The following DNM3 variants were observed in gnomAD, a reference collection of about 807,000 sequenced individuals.
DNM3 encodes the protein dynamin-3.
DNM3 carries 47 observed loss-of-function variants against 101.6 expected under a neutral mutation model. The ratio of observed to expected loss-of-function variants is 0.46; its 90% confidence interval spans 0.37 to 0.59. The LOEUF (loss-of-function observed/expected upper bound fraction) is 0.59. DNM3 is among the 20% of genes least tolerant of loss of function. DNM3 has a pLI of 0.00. For synonymous variants in DNM3, 385 were observed against 387.9 expected, an observed-to-expected ratio of 0.99 and a Z score of 0.09; for missense variants, 849 against 1,085.7, an observed-to-expected ratio of 0.78 and a Z score of 3.06.
At chr1:172,149,993 A>G (rs993139907) in intron 14 of DNM3, among the ~76,000 whole-genome samples, 2 of 152,186 alleles carry the variant, frequency 1.3e-5, no homozygotes, top group Non-Finnish European at 2.9e-5. Flanking sequence ...AAGTAATGAT[A>G]GGCATACTTG....
chr1:172,145,568 G>A (rs957996033), intron 14 of DNM3, among the ~76,000 whole-genome samples: 8 of 152,124 alleles, frequency 5.3e-5, no homozygotes, highest in African/African-American at 1.7e-4. Context: ...CTCTACATGA[G>A]TAATTAGTTC....
intron 1 of DNM3, among the ~76,000 whole-genome samples, chr1:171,862,211 C>T (rs1201489685): frequency 2.0e-5 from 3 of 152,006 alleles, no homozygotes; most frequent in Non-Finnish European, 4.4e-5. Flanking sequence ...TAATGTTATA[C>T]GAAACAATTC....
intron 2 of DNM3, among the ~76,000 whole-genome samples, chr1:171,961,317 C>T (rs1175857634): frequency 6.6e-6 from 1 of 152,144 alleles, no homozygotes. Flanking sequence ...GTGACAGTGA[C>T]AAGAGCAGCC....
chr1:172,094,815 C>T (rs967344965), intron 13 of DNM3, among the ~76,000 whole-genome samples: 1 of 152,154 alleles, frequency 6.6e-6, no homozygotes, highest in Admixed American at 6.5e-5. Context: ...TGTTCTGATG[C>T]CTGCAATGCC....
intron 15 of DNM3, among the ~76,000 whole-genome samples, 155 bp downstream of exon 15, chr1:172,253,837 C>T (rs976857478): frequency 2.0e-4 from 31 of 152,008 alleles, no homozygotes; most frequent in African/African-American, 6.5e-4. Context: ...TAAATTCCAC[C>T]ATGGGTTATG....
intron 13 of DNM3, among the ~76,000 whole-genome samples, chr1:172,114,274 G>A (rs547077380): frequency 2.0e-5 from 3 of 152,288 alleles, no homozygotes; most frequent in Non-Finnish European, 2.9e-5. Flanking sequence ...TTGCCAGAAG[G>A]TACAGCAAGG....
intron 1 of DNM3, among the ~76,000 whole-genome samples, chr1:171,875,902 C>T (rs567830926): frequency 6.9e-6 from 1 of 145,448 alleles, no homozygotes; most frequent in African/African-American, 2.6e-5. Context: ...CCTCCGCCTC[C>T]TGGGTTCAAG....
At position 172,043,535 on chromosome 1, in the gene DNM3, T is replaced by C. The variant is rs187468630; in HGVS notation, c.1129-850T>C. Among the ~76,000 whole-genome samples, 153 of 152,228 alleles carry C rather than the reference T, an allele frequency of 1.0e-3. 2 individuals carry two copies. Among genetic ancestry groups the C allele is most frequent in the Non-Finnish European group, 2.8e-4 (19 of 68,002 alleles). On this transcript the variant is annotated intron_variant, in intron 8 of 20. Coordinates refer to ENST00000627582, the MANE Select transcript of DNM3 (RefSeq NM_015569.5). ...ACTATGGAAACACAGCCCACAGACA[T>C]GAATCCCAGCTCAAGTGTGTAAGGG...
intron 1 of DNM3, among the ~76,000 whole-genome samples, chr1:171,846,651 C>T (rs147651165): frequency 6.6e-6 from 1 of 152,090 alleles, no homozygotes; most frequent in African/African-American, 2.4e-5. Context: ...CCTCTGCTAC[C>T]AGAGCCAAGT....
intron 14 of DNM3, among the ~76,000 whole-genome samples, chr1:172,159,023 G>A (rs1422034743): frequency 6.6e-6 from 1 of 151,958 alleles, no homozygotes; most frequent in Non-Finnish European, 1.5e-5. Flanking sequence ...ATGTATGTAT[G>A]ATCACATACT....
At chr1:172,271,524 A>G (rs1361589780) in intron 15 of DNM3, among the ~76,000 whole-genome samples, 5 of 152,114 alleles carry the variant, frequency 3.3e-5, no homozygotes, top group Non-Finnish European at 5.9e-5. Flanking sequence ...CTGTTACAAT[A>G]TGTTGTTTTG....
chr1:172,302,696 T>G (rs964234302), intron 15 of DNM3, among the ~76,000 whole-genome samples: 3 of 152,130 alleles, frequency 2.0e-5, no homozygotes, highest in African/African-American at 7.2e-5. Flanking sequence ...CAGCAATATT[T>G]GCTGTTCTGC....
intron 12 of DNM3, among the ~76,000 whole-genome samples, chr1:172,088,785 C>A (rs182365835): frequency 3.9e-5 from 6 of 152,106 alleles, no homozygotes; most frequent in Non-Finnish European, 7.3e-5. Context: ...CCTGAACATT[C>A]AGAGAAATTA....
At chr1:172,350,341 T>C (rs2067146352) in intron 17 of DNM3, among the ~76,000 whole-genome samples, 1 of 151,752 alleles carries the variant, frequency 6.6e-6, no homozygotes, top group Admixed American at 6.6e-5. Flanking sequence ...TGTGTGTGTG[T>C]GTGTTTGTGT....
chr1:172,010,686 G>A (rs1189646074), intron 4 of DNM3, among the ~76,000 whole-genome samples: 1 of 47,462 alleles, frequency 2.1e-5, no homozygotes, highest in African/African-American at 2.7e-4. Flanking sequence ...TATGTTTTGT[G>A]TGTGTGTGTG....
chr1:172,286,674 A>C (rs542324938), intron 15 of DNM3, among the ~76,000 whole-genome samples: 1 of 152,278 alleles, frequency 6.6e-6, no homozygotes, highest in African/African-American at 2.4e-5. Context: ...GGGCATTTTC[A>C]CTGTGAGGGC....
At chr1:172,020,503 T>G (rs1211543112) in intron 4 of DNM3, among the ~76,000 whole-genome samples, 1 of 151,628 alleles carries the variant, frequency 6.6e-6, no homozygotes, top group South Asian at 2.1e-4. Context: ...GGCATATCAC[T>G]AGGTCAGGAG....
At chr1:171,978,024 C>G (rs1009909421) in intron 2 of DNM3, among the ~76,000 whole-genome samples, 1 of 152,178 alleles carries the variant, frequency 6.6e-6, no homozygotes, top group Non-Finnish European at 1.5e-5. Context: ...CCACAAACCT[C>G]AAGCCTCCTC....
intron 1 of DNM3, among the ~76,000 whole-genome samples, chr1:171,898,330 T>A (rs1265820395): frequency 6.6e-6 from 1 of 152,136 alleles, no homozygotes; most frequent in Non-Finnish European, 1.5e-5. Context: ...ATCCAGTATG[T>A]CCCTTTGCTG....
Sources: gnomAD v4.1 joint callset for allele counts (sites outside exome capture counted in the v4.1 genomes callset) on GRCh38, gnomAD v4.1.1 for gene constraint, MANE v1.5 for transcripts, NCBI Gene and HGNC (gene_info 2026-07-23, HGNC 2026-07-21) for gene names.